ZC3H12B: variants seen among roughly 807,000 people sequenced by gnomAD.
The protein encoded by ZC3H12B is zinc finger CCCH-type containing 12B, also known as probable ribonuclease ZC3H12B.
Under a neutral mutation model 43.9 loss-of-function variants are expected in ZC3H12B, and 7 were observed. That is an observed-to-expected ratio of 0.16 (90% CI 0.09 to 0.30). ZC3H12B has a LOEUF of 0.30. Among genes scored for constraint, ZC3H12B ranks in the 10% least tolerant of loss-of-function variants. ZC3H12B has a pLI of 1.00. For synonymous variants in ZC3H12B, 222 were observed against 241.7 expected (o/e 0.92, Z 0.76); for missense variants, 475 against 670.2 (o/e 0.71, Z 3.22).
the ZC3H12B span, among the ~76,000 whole-genome samples, chrX:65,341,365 G>T: frequency 9.0e-6 from 1 of 111,422 alleles, no homozygotes; most frequent in Non-Finnish European, 1.9e-5. Flanking sequence ...GAAAACCCCA[G>T]TAACATACTT....
the ZC3H12B span, among the ~76,000 whole-genome samples, chrX:65,165,081 T>C: frequency 6.9e-4 from 77 of 111,603 alleles, 2 homozygotes; most frequent in African/African-American, 2.5e-3. Context: ...ACAGTAGATA[T>C]TTGTTGTAGA....
chrX:65,369,994 C>T (rs1250702401), intron 2 of ZC3H12B, among the ~76,000 whole-genome samples: 2 of 111,160 alleles, frequency 1.8e-5, no homozygotes, highest in Non-Finnish European at 3.8e-5. Context: ...TGCCTGCAAT[C>T]GCAGCATTTT....
At chrX:65,473,404 GT>G (rs2067953568) in intron 3 of ZC3H12B, among the ~76,000 whole-genome samples, 1 of 111,496 alleles carries the variant, frequency 9.0e-6, no homozygotes. Flanking sequence ...GTCTTTTATG[GT>G]TTCATATGAT....
the ZC3H12B span, among the ~76,000 whole-genome samples, chrX:65,126,704 TC>T: frequency 3.7e-5 from 4 of 108,102 alleles, no homozygotes; most frequent in Non-Finnish European, 7.7e-5. Flanking sequence ...ACTTTTTTTT[TC>T]TTTGGTTTGA....
intron 3 of ZC3H12B, among the ~76,000 whole-genome samples, chrX:65,429,980 C>T (rs914720163): frequency 8.9e-6 from 1 of 112,156 alleles, no homozygotes; most frequent in Non-Finnish European, 1.9e-5. Context: ...ACCCAGTTGC[C>T]ATTGGCTGGC....
exon 1 of ZC3H12B, chrX:65,366,732 C>A (rs1479254750): frequency 8.9e-6 from 1 of 112,158 alleles, no homozygotes; most frequent in African/African-American, 3.2e-5. Context: ...ATAACGACCA[C>A]CTATCTCCTT....
the ZC3H12B span, among the ~76,000 whole-genome samples, chrX:65,145,234 C>T: frequency 8.2e-5 from 4 of 49,014 alleles, no homozygotes; most frequent in Admixed American, 1.1e-3. Context: ...TGTCCCTCTT[C>T]GTTTTCTTTT....
At chrX:65,259,665 T>C in the ZC3H12B span, among the ~76,000 whole-genome samples, 1 of 112,091 alleles carries the variant, frequency 8.9e-6, no homozygotes, top group East Asian at 2.8e-4. Context: ...AGTGTAGAGA[T>C]TCCTTTAAAG....
At chrX:65,123,254 C>G in the ZC3H12B span, among the ~76,000 whole-genome samples, 5 of 111,664 alleles carry the variant, frequency 4.5e-5, no homozygotes, top group Non-Finnish European at 9.4e-5. Context: ...GTTGAACCAG[C>G]CTTGCATCCC....
chrX:65,125,201 C>G, the ZC3H12B span, among the ~76,000 whole-genome samples: 5 of 111,331 alleles, frequency 4.5e-5, no homozygotes, highest in Non-Finnish European at 7.6e-5. Flanking sequence ...TCATTCAGTT[C>G]AAAGAATTTT....
the ZC3H12B span, among the ~76,000 whole-genome samples, chrX:65,173,907 C>T: frequency 1.8e-4 from 20 of 110,878 alleles, no homozygotes; most frequent in Non-Finnish European, 2.6e-4. Context: ...GACTGATGAC[C>T]TTTGGATGGG....
At chrX:65,404,378 T>G (rs980562943) in intron 3 of ZC3H12B, among the ~76,000 whole-genome samples, 1 of 112,044 alleles carries the variant, frequency 8.9e-6, no homozygotes, top group African/African-American at 3.2e-5. Flanking sequence ...TAATGTTGAC[T>G]GTAAATGAAC....
chrX:65,341,989 G>T, the ZC3H12B span, among the ~76,000 whole-genome samples: 71 of 110,619 alleles, frequency 6.4e-4, no homozygotes, highest in African/African-American at 2.3e-3. Context: ...AAAGAACCAA[G>T]ACCCAATAAT....
chrX:65,162,109 G>A, the ZC3H12B span, among the ~76,000 whole-genome samples: 1 of 111,482 alleles, frequency 9.0e-6, no homozygotes, highest in East Asian at 2.8e-4. Flanking sequence ...CTCTCTTCTG[G>A]CTTGTAGAGT....
the ZC3H12B span, among the ~76,000 whole-genome samples, chrX:65,215,347 G>T: frequency 3.6e-5 from 4 of 111,805 alleles, no homozygotes; most frequent in South Asian, 1.5e-3. Flanking sequence ...TACACTTTCA[G>T]TGTAGCCACC....
the ZC3H12B span, among the ~76,000 whole-genome samples, chrX:65,242,235 G>A: frequency 1.8e-5 from 2 of 111,313 alleles, no homozygotes; most frequent in Admixed American, 1.9e-4. Flanking sequence ...TCAGTCGAAA[G>A]TGCTAAATTC....
the ZC3H12B span, among the ~76,000 whole-genome samples, chrX:65,135,644 C>G: frequency 9.1e-6 from 1 of 109,459 alleles, no homozygotes; most frequent in African/African-American, 3.3e-5. Flanking sequence ...CTTTTTCAGA[C>G]CCAGCCTTTT....
At chrX:65,155,340 A>G in the ZC3H12B span, among the ~76,000 whole-genome samples, 1 of 110,243 alleles carries the variant, frequency 9.1e-6, no homozygotes, top group South Asian at 3.9e-4. Flanking sequence ...GCGATCACAT[A>G]GTTTATCCCC....
chrX:65,461,221 G>C (rs777499126), intron 3 of ZC3H12B, among the ~76,000 whole-genome samples: 2 of 112,130 alleles, frequency 1.8e-5, no homozygotes, highest in East Asian at 5.6e-4. Flanking sequence ...TGCTGGAGAG[G>C]ATGTGGAGAA....
Sources: allele counts gnomAD v4.1 joint callset (sites outside exome capture counted in the v4.1 genomes callset), GRCh38; gene constraint gnomAD v4.1.1; transcripts MANE v1.5; gene names NCBI Gene and HGNC (gene_info 2026-07-23, HGNC 2026-07-21).